Variants in NRG3 observed in about 807,000 individuals in gnomAD.
NRG3 encodes neuregulin 3.
Under a neutral mutation model 66.9 loss-of-function variants are expected in NRG3, and 31 were observed. The observed-to-expected ratio is 0.46, with a 90% CI of 0.35 to 0.63. The LOEUF is 0.63. Ranked by LOEUF, NRG3 falls within the 20% of genes least tolerant of loss-of-function variation. NRG3 has a pLI of 0.00. For synonymous variants in NRG3, 393 were observed against 359.4 expected, an observed-to-expected ratio of 1.09 and a Z score of -1.06; for missense variants, 910 against 878.9, an observed-to-expected ratio of 1.04 and a Z score of -0.45.
intron 1 of NRG3, among the ~76,000 whole-genome samples, chr10:81,987,929 C>A (rs2133540156): frequency 6.6e-6 from 1 of 152,230 alleles, no homozygotes; most frequent in East Asian, 1.9e-4. Flanking sequence ...TCCTAGCATT[C>A]TTAGATTGTC....
intron 2 of NRG3, among the ~76,000 whole-genome samples, chr10:82,733,695 C>G (rs946163381): frequency 6.6e-6 from 1 of 152,134 alleles, no homozygotes; most frequent in Non-Finnish European, 1.5e-5. Context: ...TCAATAGAAC[C>G]ATGTTAGTGT....
At chr10:82,199,867 AGTGTGCATGTGTGTGT>A (rs796067354) in intron 1 of NRG3, among the ~76,000 whole-genome samples, 10 of 128,962 alleles carry the variant, frequency 7.8e-5, no homozygotes, top group East Asian at 4.3e-4. Flanking sequence ...TGTTATTGAG[AGTGTGCATGTGTGTGT>A]GTGTGCGTGT....
intron 1 of NRG3, among the ~76,000 whole-genome samples, chr10:82,107,536 A>G (rs2067140948): frequency 6.6e-6 from 1 of 152,234 alleles, no homozygotes; most frequent in Non-Finnish European, 1.5e-5. Flanking sequence ...AGGTGGAAAA[A>G]CAGAAAAAAA....
intron 2 of NRG3, among the ~76,000 whole-genome samples, chr10:82,566,608 A>G (rs2045421591): frequency 6.6e-6 from 1 of 151,978 alleles, no homozygotes; most frequent in Non-Finnish European, 1.5e-5. Flanking sequence ...AAAACATATG[A>G]AAGACATATG....
chr10:82,058,549 C>T (rs2063966928), intron 1 of NRG3, among the ~76,000 whole-genome samples: 1 of 150,586 alleles, frequency 6.6e-6, no homozygotes, highest in East Asian at 1.9e-4. Flanking sequence ...CTATTATATT[C>T]TATCTATATA....
chr10:81,969,983 C>T (rs376414897), intron 1 of NRG3, among the ~76,000 whole-genome samples: 3 of 151,844 alleles, frequency 2.0e-5, no homozygotes, highest in Non-Finnish European at 2.9e-5. Flanking sequence ...GAGGAGACTC[C>T]GATTTAAATA....
chr10:82,012,470 T>C (rs10884032), intron 1 of NRG3, among the ~76,000 whole-genome samples: 85,881 of 151,720 alleles, frequency 0.57, 24,167 homozygotes, highest in South Asian at 0.66. Flanking sequence ...CTCCTCATTA[T>C]TTATGCAGAT....
chr10:82,738,871 AC>A (rs1049783519), intron 3 of NRG3, among the ~76,000 whole-genome samples: 9 of 151,302 alleles, frequency 5.9e-5, no homozygotes, highest in African/African-American at 1.7e-4. Context: ...TCCACCTTGA[AC>A]CCCTGCTGGG....
chr10:81,904,003 T>TG (rs1564645500), intron 1 of NRG3, among the ~76,000 whole-genome samples: 15 of 147,996 alleles, frequency 1.0e-4, no homozygotes, highest in Admixed American at 9.4e-4. Context: ...TATATTTTTT[T>TG]TTTTTGTTTG....
intron 2 of NRG3, among the ~76,000 whole-genome samples, chr10:82,436,528 C>G (rs1303042805): frequency 2.0e-5 from 3 of 152,098 alleles, no homozygotes; most frequent in Non-Finnish European, 4.4e-5. Context: ...GCATTTAGCC[C>G]ATTTATATTT....
chr10:82,502,376 G>C (rs1459694249), intron 2 of NRG3, among the ~76,000 whole-genome samples: 2 of 152,022 alleles, frequency 1.3e-5, no homozygotes, highest in Non-Finnish European at 2.9e-5. Context: ...CAACTTCCCA[G>C]GTTTTCTTGG....
intron 3 of NRG3, among the ~76,000 whole-genome samples, chr10:82,848,782 G>T (rs1251717379): frequency 2.0e-5 from 3 of 152,104 alleles, no homozygotes; most frequent in African/African-American, 7.2e-5. Flanking sequence ...TTCCCATGCT[G>T]TTCTCATGAT....
chr10:82,471,041 T>G (rs1044785210), intron 2 of NRG3, among the ~76,000 whole-genome samples: 1 of 152,170 alleles, frequency 6.6e-6, no homozygotes, highest in Admixed American at 6.5e-5. Context: ...GGCTCCTCTG[T>G]GGTCCTCTTG....
chr10:82,730,138 C>A (rs545218565), intron 2 of NRG3, among the ~76,000 whole-genome samples: 225 of 144,008 alleles, frequency 1.6e-3, no homozygotes, highest in Non-Finnish European at 2.9e-3. Context: ...CAGGCTGGAG[C>A]GCAGGGGGTC....
chr10:82,523,550 A>G (rs1846407783), intron 2 of NRG3, among the ~76,000 whole-genome samples: 1 of 148,784 alleles, frequency 6.7e-6, no homozygotes, highest in African/African-American at 2.5e-5. Context: ...CATATCCCTC[A>G]CTCTTTTTTT....
intron 3 of NRG3, among the ~76,000 whole-genome samples, chr10:82,841,199 C>A (rs1013380849): frequency 2.6e-5 from 4 of 152,150 alleles, no homozygotes; most frequent in African/African-American, 9.7e-5. Flanking sequence ...AGGAAGGATT[C>A]TTTCCTACAG....
intron 2 of NRG3, among the ~76,000 whole-genome samples, chr10:82,547,725 C>A (rs1420786555): frequency 1.3e-5 from 2 of 151,854 alleles, no homozygotes; most frequent in Non-Finnish European, 2.9e-5. Flanking sequence ...CCATTCAAGT[C>A]TAGAATAGAC....
intron 1 of NRG3, among the ~76,000 whole-genome samples, chr10:81,934,701 A>C (rs373383794): frequency 3.3e-5 from 5 of 152,100 alleles, no homozygotes; most frequent in East Asian, 3.9e-4. Flanking sequence ...TGGGATTTGC[A>C]ATTTTTTGCT....
intron 4 of NRG3, among the ~76,000 whole-genome samples, chr10:82,908,804 T>A (rs1845015900): frequency 6.6e-6 from 1 of 152,072 alleles, no homozygotes; most frequent in South Asian, 2.1e-4. Flanking sequence ...ATAAGAGATT[T>A]GTGTTTGGAC....
Sources: gnomAD v4.1 joint callset for allele counts (sites outside exome capture counted in the v4.1 genomes callset) on GRCh38, gnomAD v4.1.1 for gene constraint, MANE v1.5 for transcripts, NCBI Gene and HGNC (gene_info 2026-07-23, HGNC 2026-07-21) for gene names.